ADCY1: variants seen among roughly 807,000 people sequenced by gnomAD.
ADCY1 encodes the protein adenylate cyclase 1, also known as adenylate cyclase type 1.
Under a neutral mutation model 105.4 loss-of-function variants are expected in ADCY1, and 28 were observed. That is an observed-to-expected ratio of 0.27 (90% CI 0.20 to 0.36). ADCY1 has a LOEUF of 0.36. Among genes scored for constraint, ADCY1 ranks in the 10% least tolerant of loss-of-function variants. ADCY1 has a pLI of 1.00. For missense variants in ADCY1, 977 were observed against 1,434.2 expected, an observed-to-expected ratio of 0.68 and a Z score of 5.15; for synonymous variants, 655 against 623.8, an observed-to-expected ratio of 1.05 and a Z score of -0.75.
At chr7:45,611,783 C>T (rs76744184) in intron 3 of ADCY1, among the ~76,000 whole-genome samples, 14,846 of 152,100 alleles carry the variant, frequency 0.098, 765 homozygotes, top group South Asian at 0.17. Flanking sequence ...ACATAAATAT[C>T]ACTCAGGTAG....
intron 6 of ADCY1, among the ~76,000 whole-genome samples, chr7:45,658,595 A>G (rs1363276465): frequency 8.5e-5 from 13 of 152,214 alleles, no homozygotes; most frequent in Admixed American, 8.5e-4. Context: ...CTCAGCATAA[A>G]GCAGGGGCTT....
chr7:45,670,634 G>C (rs561895948), intron 8 of ADCY1, among the ~76,000 whole-genome samples: 132 of 151,732 alleles, frequency 8.7e-4, no homozygotes, highest in African/African-American at 2.8e-3. Context: ...CCCTGATCCA[G>C]GGTGGACCTG....
At chr7:45,688,574 G>A (rs975350486) in intron 14 of ADCY1, among the ~76,000 whole-genome samples, 4 of 152,162 alleles carry the variant, frequency 2.6e-5, no homozygotes, top group Non-Finnish European at 5.9e-5. Flanking sequence ...TGACAGGGCA[G>A]GATGCATATT....
intron 2 of ADCY1, among the ~76,000 whole-genome samples, chr7:45,609,428 G>C (rs11977613): frequency 6.6e-6 from 1 of 152,232 alleles, no homozygotes; most frequent in Non-Finnish European, 1.5e-5. Flanking sequence ...CACTGAGCAC[G>C]ACAGGCCGCT....
In ADCY1 at chr7:45,715,732, G is replaced by C. The variant is rs2116294907; in HGVS notation, c.*1737G>C. The C allele has an allele frequency of 6.6e-6, 1 of 152,646 alleles. No individual in the cohort carries two copies. Among genetic ancestry groups the C allele is most frequent in the Non-Finnish European group, 1.5e-5 (1 of 68,264 alleles). 9.5% of individuals were successfully genotyped at this position (152,646 alleles called of 1,614,324 possible). On this transcript the variant is annotated 3_prime_UTR_variant, in exon 20 of 20. Transcript: ENST00000297323. ...GGCTTTGCAGGGCGGCCAGTGCAGT[G>C]ATGCCTGGCGCTTCCAGCTGAGACA...
At chr7:45,663,284 G>A (rs930708155) in intron 8 of ADCY1, among the ~76,000 whole-genome samples, 4 of 152,258 alleles carry the variant, frequency 2.6e-5, no homozygotes, top group Admixed American at 6.5e-5. Context: ...GGCGTCAGGT[G>A]GGAGAGTGCA....
chr7:45,636,315 A>G (rs980095811), intron 4 of ADCY1, among the ~76,000 whole-genome samples: 1 of 152,180 alleles, frequency 6.6e-6, no homozygotes, highest in African/African-American at 2.4e-5. Context: ...TCTTCTCTGG[A>G]TTACTTATAA....
In ADCY1 at chr7:45,610,634, A is replaced by G; in HGVS notation, c.908+137A>G. On this transcript the variant is annotated intron_variant, in intron 3 of 19. Transcript: ENST00000297323. ...GGGAAAGAATGGGGGTGTGGAGGTAATGGTGAAGGTGGGGAAGTGATGATG... is the reference window on the plus strand; with the variant it reads ...GGGAAAGAATGGGGGTGTGGAGGTAGTGGTGAAGGTGGGGAAGTGATGATG... The G allele has an allele frequency of 5.7e-6, 4 of 706,146 alleles. No individual in the cohort carries two copies. The Admixed American group carries it at 9.3e-5, about 16-fold the overall frequency. 43.7% of individuals were successfully genotyped at this position (706,146 alleles called of 1,614,324 possible).
chr7:45,687,978 G>A (rs764546943), intron 14 of ADCY1, among the ~76,000 whole-genome samples: 7 of 152,350 alleles, frequency 4.6e-5, no homozygotes, highest in East Asian at 1.9e-4. Flanking sequence ...AGGAGGAAGC[G>A]TGGCCAGGAC....
rs750011120 is a variant in ADCY1 at position 45,708,492 on chromosome 7, A to C, written c.2932+28A>C. 3 of 1,550,604 alleles carry C rather than the reference A, an allele frequency of 1.9e-6. No individual in the cohort carries two copies. The highest frequency in any genetic ancestry group is 2.2e-5 in the East Asian group (1 of 44,496). On this transcript the variant is annotated intron_variant, in intron 18 of 19. Transcript: ENST00000297323. This position sits in a 1 kb window ranked among gnomAD's most constrained non-coding sequence, Gnocchi z 4.7. ...ATGTGGCTCTAAACCTATCCTGTCCATCCATGTGGAACACCTTCCTACACC... is the reference window on the plus strand; with the variant it reads ...ATGTGGCTCTAAACCTATCCTGTCCCTCCATGTGGAACACCTTCCTACACC...
At chr7:45,673,985 A>G (rs374071570) in intron 8 of ADCY1, among the ~76,000 whole-genome samples, 1 of 15,790 alleles carries the variant, frequency 6.3e-5, no homozygotes, top group Non-Finnish European at 4.0e-4. Context: ...ATATATATAT[A>G]TATATATATA....
rs1792320792 is a variant in ADCY1, at chr7:45,575,723, C to A, written c.639+541C>A. Among the ~76,000 whole-genome samples the A allele has an allele frequency of 6.6e-6, 1 of 152,286 alleles. No homozygotes were observed. The highest frequency in any genetic ancestry group is 6.5e-5 in the Admixed American group (1 of 15,294). ...TCTTCCAGCCTTGCTGGCCACCCTT[C>A]TGTGGACATGCCTCCGGCCCAGAAA... On this transcript the variant is annotated intron_variant, in intron 1 of 19. Transcript: ENST00000297323. The surrounding 1 kb of genome is among the most constrained non-coding windows in gnomAD (Gnocchi z 4.7).
Position 45,722,864 on chromosome 7 carries a change from T to G in ADCY1, c.*8869T>G, listed in dbSNP as rs1198297680. 1 of 152,620 alleles carries G rather than the reference T, an allele frequency of 6.6e-6. No homozygotes were observed. Among genetic ancestry groups the G allele is most frequent in the Non-Finnish European group, 1.5e-5 (1 of 68,030 alleles). 9.5% of individuals were successfully genotyped at this position (152,620 alleles called of 1,614,324 possible). A position where few individuals can be genotyped will look rare whatever the true frequency, so the allele number is the denominator to read the frequency against. ...TCACTGGGTAACTTCTCATGATAGA[T>G]TTGTATGATCAATACGGGTCTATTT... On this transcript the variant is annotated 3_prime_UTR_variant, in exon 20 of 20. Coordinates refer to ENST00000297323, the MANE Select transcript of ADCY1 (RefSeq NM_021116.4).
At chr7:45,602,711 A>G (rs112291813) in intron 2 of ADCY1, among the ~76,000 whole-genome samples, 1 of 152,202 alleles carries the variant, frequency 6.6e-6, no homozygotes, top group Non-Finnish European at 1.5e-5. Flanking sequence ...TATTGAGTTT[A>G]TGTACCATAA....
chr7:45,628,899 A>C (rs1225067418), intron 4 of ADCY1, among the ~76,000 whole-genome samples: 3 of 152,140 alleles, frequency 2.0e-5, no homozygotes, highest in South Asian at 2.1e-4. Context: ...TCCTGTTTCA[A>C]ACCTTTCCTC....
chr7:45,599,051 C>G (rs1443415208), intron 2 of ADCY1, among the ~76,000 whole-genome samples: 1 of 152,162 alleles, frequency 6.6e-6, no homozygotes, highest in Admixed American at 6.5e-5. Context: ...GGCATGCTGC[C>G]TGGTCGGGGT....
intron 2 of ADCY1, among the ~76,000 whole-genome samples, chr7:45,594,101 C>G (rs1035615307): frequency 6.6e-6 from 1 of 152,062 alleles, no homozygotes; most frequent in Non-Finnish European, 1.5e-5. Context: ...ATCTGTACGT[C>G]TGTGTGGTTG....
upstream of ADCY1, chr7:45,574,154 G>T: frequency 1.0e-6 from 1 of 984,436 alleles, no homozygotes. The surrounding 1 kb of genome is among the most constrained non-coding windows in gnomAD (Gnocchi z 7.0). Flanking sequence ...CACTGTGCAC[G>T]GTGGGGAAAC....
intron 2 of ADCY1, among the ~76,000 whole-genome samples, chr7:45,607,996 G>T (rs1380258703): frequency 6.6e-6 from 1 of 152,226 alleles, no homozygotes; most frequent in East Asian, 1.9e-4. Flanking sequence ...GCTGTTTTAA[G>T]TTCTTTGTGA....
Sources: allele counts gnomAD v4.1 joint callset (sites outside exome capture counted in the v4.1 genomes callset), GRCh38; gene constraint gnomAD v4.1.1; non-coding constraint Gnocchi (gnomAD v3.1); transcripts MANE v1.5; gene names NCBI Gene and HGNC (gene_info 2026-07-23, HGNC 2026-07-21).